PAQR5: variants seen among roughly 807,000 people sequenced by gnomAD.
The protein encoded by PAQR5 is progestin and adipoQ receptor family member 5, also known as membrane progestin receptor gamma.
Under a neutral mutation model 34.5 loss-of-function variants are expected in PAQR5, and 20 were observed. The ratio of observed to expected loss-of-function variants is 0.58; its 90% confidence interval spans 0.41 to 0.84. The LOEUF is 0.84. PAQR5 is among the 40% of genes least tolerant of loss of function. PAQR5 has a pLI of 0.00. For synonymous variants in PAQR5, 131 were observed against 155.6 expected, an observed-to-expected ratio of 0.84 and a Z score of 1.18; for missense variants, 378 against 412.7, an observed-to-expected ratio of 0.92 and a Z score of 0.73.
At chr15:69,377,402 G>A (rs910757169) in intron 3 of PAQR5, among the ~76,000 whole-genome samples, 8 of 152,224 alleles carry the variant, frequency 5.3e-5, no homozygotes, top group Non-Finnish European at 7.3e-5. Flanking sequence ...CAAGATTCCT[G>A]CTGCCCGTTA....
At chr15:69,332,803 AAAGAAAC>A (rs2054416569) in intron 1 of PAQR5, among the ~76,000 whole-genome samples, 1 of 148,744 alleles carries the variant, frequency 6.7e-6, no homozygotes, top group Admixed American at 6.7e-5. Context: ...AAAAAAAAAA[AAAGAAAC>A]GGCTTACCTT....
At chr15:69,325,822 G>T (rs16953134) in intron 1 of PAQR5, among the ~76,000 whole-genome samples, 6,726 of 152,098 alleles carry the variant, frequency 0.044, 319 homozygotes, top group East Asian at 0.15. Flanking sequence ...CAGTTTCTAC[G>T]CACAGCCATC....
intron 1 of PAQR5, among the ~76,000 whole-genome samples, chr15:69,322,905 A>C (rs1433755803): frequency 1.3e-5 from 2 of 149,578 alleles, no homozygotes; most frequent in Non-Finnish European, 2.9e-5. Context: ...TCCAGTGCAA[A>C]TAACGAGCAC....
chr15:69,403,575 C>T lies in PAQR5; in HGVS notation c.752-6C>T. The T allele has an allele frequency of 6.2e-7, 1 of 1,613,492 alleles. No homozygotes were observed. The highest frequency in any genetic ancestry group is 8.5e-7 in the Non-Finnish European group (1 of 1,179,524). The stretch of plus-strand genomic sequence containing the variant: ...TGATCTTGACGGCCTTTTGTGTTTG[C>T]CATAGGTCACAGTCACCAGCTGTTT... On this transcript the variant is annotated splice_polypyrimidine_tract_variant and splice_region_variant and intron_variant, in intron 8 of 8. Transcript: ENST00000395407.
intron 6 of PAQR5, among the ~76,000 whole-genome samples, chr15:69,394,277 G>A (rs2056352514): frequency 6.6e-6 from 1 of 152,122 alleles, no homozygotes; most frequent in African/African-American, 2.4e-5. Context: ...AGGGGTTTGA[G>A]GTCAGCGCTG....
chr15:69,401,660 G>T (rs1234945738), intron 8 of PAQR5, among the ~76,000 whole-genome samples: 1 of 152,182 alleles, frequency 6.6e-6, no homozygotes, highest in Non-Finnish European at 1.5e-5. Flanking sequence ...GTACAGAGCT[G>T]AAAAACACCC....
At chr15:69,349,070 G>T (rs1459663623) in intron 2 of PAQR5, among the ~76,000 whole-genome samples, 1 of 152,110 alleles carries the variant, frequency 6.6e-6, no homozygotes, top group African/African-American at 2.4e-5. Flanking sequence ...ACCTGGGAGG[G>T]TGTTTTCAGG....
In PAQR5 at chr15:69,341,558, T is replaced by C. The variant is rs192854925; in HGVS notation, c.-116+4057T>C. 5.6e-4 allele frequency among the ~76,000 whole-genome samples: 85 copies of C among 152,194 alleles called. 1 individual carries two copies. The highest frequency in any genetic ancestry group is 3.7e-3 in the Admixed American group (57 of 15,276). On this transcript the variant is annotated intron_variant, in intron 2 of 8. Coordinates refer to ENST00000395407, the MANE Select transcript of PAQR5 (RefSeq NM_017705.4). Reference sequence around the variant, plus strand: ...CTTAAGGCTGAGTAATATCCTGTAGTATAGATATACCACATTTTGTTTATC... The same window carrying C: ...CTTAAGGCTGAGTAATATCCTGTAGCATAGATATACCACATTTTGTTTATC...
intron 2 of PAQR5, among the ~76,000 whole-genome samples, chr15:69,340,380 G>T (rs1174009027): frequency 6.6e-6 from 1 of 152,134 alleles, no homozygotes; most frequent in Non-Finnish European, 1.5e-5. Context: ...ATCTTTAAAT[G>T]TTAATCATGA....
intron 1 of PAQR5, among the ~76,000 whole-genome samples, chr15:69,299,315 A>G (rs1302808993): frequency 1.3e-5 from 2 of 152,278 alleles, no homozygotes; most frequent in Admixed American, 6.5e-5. Flanking sequence ...CTCTGCTGCA[A>G]TCGAGGGCGG....
At position 69,322,835 on chromosome 15, in the gene PAQR5, AGAG is replaced by A. The variant is rs1348936459; in HGVS notation, c.-276-14503_-276-14501del. ...AGGAAGAAGAAGAAGAAGAAGAAGA[AGAG>A]GAAGAAGAAGAGGAATTATTTCATC... On this transcript the variant is annotated intron_variant, in intron 1 of 8. Coordinates refer to ENST00000395407, the MANE Select transcript of PAQR5 (RefSeq NM_017705.4). Among the ~76,000 whole-genome samples the A allele has an allele frequency of 6.1e-4, 90 of 147,106 alleles. 12 individuals carry two copies. The highest frequency in any genetic ancestry group is 2.2e-3 in the African/African-American group (85 of 38,748).
chr15:69,300,639 T>C lies in PAQR5; in HGVS notation c.-277+1583T>C, dbSNP rs867442994. Among the ~76,000 whole-genome samples, 10 of 35,172 alleles carry C rather than the reference T, an allele frequency of 2.8e-4. 1 individual carries two copies. The highest frequency in any genetic ancestry group is 9.8e-4 in the Admixed American group (3 of 3,072). The allele number at this position is 35,172 out of a possible 152,430, so 23.1% of individuals were successfully genotyped here. ...TTTCTTTCTTTCTTTCTTTCTTTCTTTCTTTCTTTCTTTTCTTTCTTTCTT... is the reference window on the plus strand; with the variant it reads ...TTTCTTTCTTTCTTTCTTTCTTTCTCTCTTTCTTTCTTTTCTTTCTTTCTT... On this transcript the variant is annotated intron_variant, in intron 1 of 8. Transcript: ENST00000395407.
intron 3 of PAQR5, among the ~76,000 whole-genome samples, chr15:69,368,361 C>G (rs7170418): frequency 0.97 from 147,739 of 152,368 alleles, 71,786 homozygotes; most frequent in East Asian, 1. Flanking sequence ...GCTTTTAACT[C>G]TTCTGGCCTA....
At chr15:69,341,805 G>A (rs550413510) in intron 2 of PAQR5, among the ~76,000 whole-genome samples, 3 of 151,726 alleles carry the variant, frequency 2.0e-5, no homozygotes, top group Non-Finnish European at 2.9e-5. Flanking sequence ...ATTAGATGGT[G>A]TGGTGGCATG....
rs1197214485 is a variant in PAQR5, at chr15:69,352,220, C to A, written c.-115-7746C>A. ...CCTTGCCGTCATCCACAGATAAATA[C>A]CCTCCTTTTGGGAGGCAGCTCTTGG... On this transcript the variant is annotated intron_variant, in intron 2 of 8. Coordinates refer to ENST00000395407, the MANE Select transcript of PAQR5 (RefSeq NM_017705.4). 2.0e-5 allele frequency among the ~76,000 whole-genome samples: 3 copies of A among 152,218 alleles called. 1 individual carries two copies. The highest frequency in any genetic ancestry group is 1.9e-4 in the East Asian group (1 of 5,204).
At chr15:69,348,628 C>T (rs1315978061) in intron 2 of PAQR5, among the ~76,000 whole-genome samples, 1 of 152,102 alleles carries the variant, frequency 6.6e-6, no homozygotes, top group African/African-American at 2.4e-5. Flanking sequence ...GGGACATGTT[C>T]CAAGACGTTC....
At chr15:69,309,162 C>T (rs780148899) in intron 1 of PAQR5, among the ~76,000 whole-genome samples, 14 of 152,040 alleles carry the variant, frequency 9.2e-5, no homozygotes, top group Non-Finnish European at 1.8e-4. Context: ...GGGACAGCCC[C>T]GGGAGAGCCT....
At position 69,316,580 on chromosome 15, in the gene PAQR5, T is replaced by C. The variant is rs528876261; in HGVS notation, c.-277+17524T>C. Among the ~76,000 whole-genome samples the C allele has an allele frequency of 6.0e-5, 9 of 149,198 alleles. No homozygotes were observed. The East Asian group carries it at 1.2e-3, about 20-fold the overall frequency. On this transcript the variant is annotated intron_variant, in intron 1 of 8. Coordinates refer to ENST00000395407, the MANE Select transcript of PAQR5 (RefSeq NM_017705.4). Reference sequence around the variant, plus strand: ...TGTCCTAGCAAGAAGGAAGGAGAAATACATTTTCCGTTTTATCTTGTAGCC... The same window carrying C: ...TGTCCTAGCAAGAAGGAAGGAGAAACACATTTTCCGTTTTATCTTGTAGCC...
intron 3 of PAQR5, among the ~76,000 whole-genome samples, chr15:69,374,776 C>T (rs1294117955): frequency 6.6e-6 from 1 of 152,164 alleles, no homozygotes; most frequent in East Asian, 1.9e-4. Context: ...TCAGACTCCC[C>T]GCTAGCCTCT....
Sources: allele counts gnomAD v4.1 joint callset (sites outside exome capture counted in the v4.1 genomes callset), GRCh38; gene constraint gnomAD v4.1.1; transcripts MANE v1.5; gene names NCBI Gene and HGNC (gene_info 2026-07-23, HGNC 2026-07-21).